Variants in FLNB observed in about 807,000 individuals in gnomAD.
FLNB encodes filamin B, also known as filamin-B.
Under a neutral mutation model 250.6 loss-of-function variants are expected in FLNB, and 111 were observed. That is an observed-to-expected ratio of 0.44 (90% CI 0.38 to 0.52). The LOEUF (loss-of-function observed/expected upper bound fraction) is 0.52, where lower values mean the gene tolerates loss of function less well. Among genes scored for constraint, FLNB ranks in the 20% least tolerant of loss-of-function variants. The probability of loss-of-function intolerance (pLI) is 0.00; values close to 1 mark genes in which losing one functional copy is unlikely to be tolerated. For synonymous variants in FLNB, 1,302 were observed against 1,372.1 expected (o/e 0.95, Z 1.13); for missense variants, 2,869 against 3,447.8 (o/e 0.83, Z 4.20).
At chr3:58,060,078 A>G (rs2097175773) in intron 1 of FLNB, among the ~76,000 whole-genome samples, 1 of 152,250 alleles carries the variant, frequency 6.6e-6, no homozygotes, top group South Asian at 2.1e-4. Context: ...GGGTAACTGC[A>G]CAGGGCCAAG....
chr3:58,133,921 TGA>T (rs1311045349), intron 26 of FLNB, among the ~76,000 whole-genome samples: 1 of 152,046 alleles, frequency 6.6e-6, no homozygotes, highest in Admixed American at 6.5e-5. Context: ...TAGAATAAGA[TGA>T]GATATAAATA....
chr3:58,089,599 T>G (rs1284206594), intron 4 of FLNB, among the ~76,000 whole-genome samples: 1 of 135,316 alleles, frequency 7.4e-6, no homozygotes, highest in African/African-American at 2.8e-5. Flanking sequence ...ATGAAAAAAA[T>G]GAAAAAATTA....
chr3:58,123,835 G>C (rs1444974489), intron 21 of FLNB, 145 bp downstream of exon 21: 1 of 701,238 alleles, frequency 1.4e-6, no homozygotes, highest in African/African-American at 1.8e-5. Flanking sequence ...CTGCCTCGGG[G>C]AGTAGTTGGG....
rs894756289 is a variant in FLNB, at chr3:58,102,161, A to T, written c.1346-42A>T. On this transcript the variant is annotated intron_variant, in intron 8 of 45. Transcript: ENST00000295956. ...TACCTTGGCTTTCACGACTCTGACT[A>T]AAGAATGAAAGATTGAATTGATGTC... The T allele has an allele frequency of 6.2e-6, 10 of 1,612,932 alleles. No homozygotes were observed. In the East Asian group the frequency reaches 1.3e-4, roughly 22 times the overall value.
chr3:58,102,302 C>T lies in FLNB; in HGVS notation c.1445C>T (p.Ala482Val). ...GATTTCAAGGTTGACACCAAAGCTG[C>T]AGGAAGTGGGGAGCTCGGTGTAACC... Reference protein sequence around the residue: ...TTDFKVDTKAAGSGELGVTMK... With the variant: ...TTDFKVDTKAVGSGELGVTMK... The change falls in exon 9 of 46, where the codon GCA becomes GTA. Residue 482 changes from alanine to valine, a missense_variant. Around this residue, in one of 5 missense-constraint regions of FLNB, gnomAD observed 1,348 missense variants for 1,466.7 expected, o/e 0.92. Transcript: ENST00000295956. The T allele has an allele frequency of 4.3e-6, 7 of 1,614,206 alleles. No individual in the cohort carries two copies. The highest frequency in any genetic ancestry group is 1.3e-5 in the African/African-American group (1 of 75,056).
chr3:58,169,726 G>C lies in FLNB; in HGVS notation c.7554G>C (p.Lys2518Asn). ...ASSDASKVTS[K>N]GAGLSKAFVG... is the part of the protein sequence containing the mutation. ...CGGACGCCAGCAAGGTGACCTCTAAGGGGGCAGGGCTCTCAAAGGCCTTTG... is the reference window on the plus strand; with the variant it reads ...CGGACGCCAGCAAGGTGACCTCTAACGGGGCAGGGCTCTCAAAGGCCTTTG... The change falls in exon 45 of 46, where the codon AAG (lysine) becomes AAC (asparagine). Residue 2518 changes from lysine (K) to asparagine (N), a missense_variant. Lys to Asn is a moderately conservative substitution (Grantham distance 94). Coordinates refer to ENST00000295956, the MANE Select transcript of FLNB (RefSeq NM_001457.4). The surrounding 1 kb of genome is among the most constrained non-coding windows in gnomAD (Gnocchi z 4.8). The C allele has an allele frequency of 6.2e-7, 1 of 1,614,122 alleles. No homozygotes were observed. Among genetic ancestry groups the C allele is most frequent in the Non-Finnish European group, 8.5e-7 (1 of 1,180,002 alleles).
rs573731160 is a variant in FLNB at position 58,011,016 on chromosome 3, G to C, written c.292+2160G>C. 1.2e-4 allele frequency among the ~76,000 whole-genome samples: 19 copies of C among 152,272 alleles called. No individual in the cohort carries two copies. In the East Asian group the frequency reaches 3.7e-3, roughly 29 times the overall value. ...TGCAACCTCCACCTCCCGGGTTCAA[G>C]CGATTCTTCTGCCTCAGCCTCCTGA... On this transcript the variant is annotated intron_variant, in intron 1 of 45. Coordinates refer to ENST00000295956, the MANE Select transcript of FLNB (RefSeq NM_001457.4).
At chr3:58,152,065 T>G (rs1411125225) in intron 38 of FLNB, among the ~76,000 whole-genome samples, 7 of 152,242 alleles carry the variant, frequency 4.6e-5, no homozygotes, top group African/African-American at 1.4e-4. Context: ...CTCTGCTTAT[T>G]TCTTGAGGAA....
At chr3:58,096,786 G>A in intron 6 of FLNB, among the ~76,000 whole-genome samples, 1 of 152,156 alleles carries the variant, frequency 6.6e-6, no homozygotes, top group Non-Finnish European at 1.5e-5. Context: ...TGGGATTATA[G>A]ACATGAGCCA....
chr3:58,112,941 C>T (rs1454061754), intron 18 of FLNB, among the ~76,000 whole-genome samples: 1 of 152,124 alleles, frequency 6.6e-6, no homozygotes, highest in Non-Finnish European at 1.5e-5. Context: ...GGCTGGCTTA[C>T]TCTGATTATT....
intron 29 of FLNB, among the ~76,000 whole-genome samples, chr3:58,138,796 C>T (rs1459868738): frequency 6.6e-6 from 1 of 152,202 alleles, no homozygotes; most frequent in African/African-American, 2.4e-5. Flanking sequence ...TAAGCCCAGG[C>T]ATTTTGAAAG....
At chr3:58,115,541 A>G (rs2097276479) in intron 18 of FLNB, among the ~76,000 whole-genome samples, 1 of 152,132 alleles carries the variant, frequency 6.6e-6, no homozygotes, top group African/African-American at 2.4e-5. Flanking sequence ...GGAGATTAGG[A>G]GCCTAGGTCC....
chr3:58,101,496 G>A (rs1472379331), intron 8 of FLNB, among the ~76,000 whole-genome samples: 2 of 152,198 alleles, frequency 1.3e-5, no homozygotes, highest in Admixed American at 6.5e-5. Flanking sequence ...CATATTGGAA[G>A]CTATCTTCGC....
At chr3:58,117,554 C>T (rs756553771) in intron 18 of FLNB, among the ~76,000 whole-genome samples, 13 of 152,104 alleles carry the variant, frequency 8.5e-5, no homozygotes, top group Admixed American at 2.0e-4. Context: ...AACGGAAGCT[C>T]GGGAAGAGTT....
intron 42 of FLNB, chr3:58,162,649 A>C (rs1453131673): frequency 6.0e-6 from 1 of 166,284 alleles, no homozygotes; most frequent in Non-Finnish European, 1.3e-5. Flanking sequence ...GTTTAAAAAC[A>C]AACTGAACTC....
At chr3:58,168,317 T>A (rs1395428520) in intron 43 of FLNB, 123 bp from the exon 44 acceptor site, 3 of 786,382 alleles carry the variant, frequency 3.8e-6, no homozygotes, top group African/African-American at 1.7e-5. Flanking sequence ...TGCCAGTGGG[T>A]TCCCATGCCA....
At chr3:58,098,592 C>A in intron 7 of FLNB, 119 bp from the exon 8 acceptor site, 1 of 924,382 alleles carries the variant, frequency 1.1e-6, no homozygotes, top group Non-Finnish European at 1.7e-6. Context: ...CTCGGCCTCT[C>A]GAAGTGCTGG....
rs190515558 is a variant in FLNB, at chr3:58,069,709, C to T, written c.293-7337C>T. Reference sequence around the variant, plus strand: ...ACGTGTCCTTCTTGCAGAGATCTCACGTGCCCCAGGTTCGCTGCAGCGTTA... The same window carrying T: ...ACGTGTCCTTCTTGCAGAGATCTCATGTGCCCCAGGTTCGCTGCAGCGTTA... On this transcript the variant is annotated intron_variant, in intron 1 of 45. Transcript: ENST00000295956. 1.9e-3 allele frequency among the ~76,000 whole-genome samples: 282 copies of T among 152,270 alleles called. 1 individual carries two copies. The highest frequency in any genetic ancestry group is 6.1e-3 in the African/African-American group (252 of 41,550).
intron 4 of FLNB, among the ~76,000 whole-genome samples, chr3:58,088,712 C>T (rs888845543): frequency 1.3e-5 from 2 of 152,144 alleles, no homozygotes; most frequent in African/African-American, 4.8e-5. Context: ...CCCAGTGAGG[C>T]AGAAAACTTA....
Sources: allele counts gnomAD v4.1 joint callset (sites outside exome capture counted in the v4.1 genomes callset), GRCh38; gene constraint gnomAD v4.1.1; regional missense constraint gnomAD v4.1.1; non-coding constraint Gnocchi (gnomAD v3.1); transcripts MANE v1.5; gene names NCBI Gene and HGNC (gene_info 2026-07-23, HGNC 2026-07-21).